SHTN1: variants seen among roughly 807,000 people sequenced by gnomAD.
SHTN1 encodes shootin-1.
A neutral mutation model predicts 83.1 loss-of-function variants in SHTN1; 42 were observed. The observed-to-expected ratio is 0.51, with a 90% CI of 0.39 to 0.65. The LOEUF (loss-of-function observed/expected upper bound fraction) is 0.65, where lower values mean the gene tolerates loss of function less well. Ranked by LOEUF, SHTN1 falls within the 30% of genes least tolerant of loss-of-function variation. SHTN1 has a pLI of 0.00. For missense variants in SHTN1, 622 were observed against 737.8 expected (o/e 0.84, Z 1.82); for synonymous variants, 224 against 247.7 (o/e 0.90, Z 0.90).
intron 1 of SHTN1, among the ~76,000 whole-genome samples, chr10:117,079,157 G>C (rs572471979): frequency 6.7e-6 from 1 of 150,008 alleles, no homozygotes; most frequent in African/African-American, 2.5e-5. Context: ...CTAGCATCAG[G>C]TATATCTCCC....
At chr10:116,909,339 C>A (rs1848099441) in intron 14 of SHTN1, among the ~76,000 whole-genome samples, 1 of 152,116 alleles carries the variant, frequency 6.6e-6, no homozygotes, top group African/African-American at 2.4e-5. Context: ...TCAAAAATTT[C>A]TGGGTATTTT....
chr10:116,977,380 G>A (rs1430713631), intron 2 of SHTN1, among the ~76,000 whole-genome samples: 2 of 151,998 alleles, frequency 1.3e-5, no homozygotes, highest in Non-Finnish European at 2.9e-5. Context: ...CTTCTCGTGG[G>A]TCAGGAGCAG....
At chr10:116,936,079 G>C (rs1849148422) in intron 9 of SHTN1, among the ~76,000 whole-genome samples, 1 of 152,032 alleles carries the variant, frequency 6.6e-6, no homozygotes. Context: ...AGTTGGGCTA[G>C]CAGTCTACCT....
intron 6 of SHTN1, among the ~76,000 whole-genome samples, chr10:116,950,983 T>TGGCA (rs995205647): frequency 6.6e-6 from 1 of 152,146 alleles, no homozygotes; most frequent in African/African-American, 2.4e-5. Flanking sequence ...AAGCTGCAGT[T>TGGCA]GGCACATCAG....
At chr10:116,947,817 C>T (rs1344889119) in intron 7 of SHTN1, among the ~76,000 whole-genome samples, 1 of 152,180 alleles carries the variant, frequency 6.6e-6, no homozygotes, top group Non-Finnish European at 1.5e-5. Flanking sequence ...CCTTGCAGAA[C>T]CCTTTTCCTA....
chr10:116,898,731 C>CT (rs1224155498), intron 16 of SHTN1, among the ~76,000 whole-genome samples: 1 of 151,912 alleles, frequency 6.6e-6, no homozygotes, highest in African/African-American at 2.4e-5. Context: ...TCTTTTTCTT[C>CT]TTTTTTCTTA....
At position 117,022,807 on chromosome 10, in the gene SHTN1, G is replaced by A. The variant is rs1034344331; in HGVS notation, c.-123+25638C>T. Reference sequence around the variant, plus strand: ...ATGGTGGCAGGTGCCTGTAATCCCCGCTACTTGGGAGGCTGAGGCAGGAGA... The same window carrying A: ...ATGGTGGCAGGTGCCTGTAATCCCCACTACTTGGGAGGCTGAGGCAGGAGA... On this transcript the variant is annotated intron_variant, in intron 2 of 17. Transcript: ENST00000392901. 6.6e-5 allele frequency among the ~76,000 whole-genome samples: 10 copies of A among 152,210 alleles called. No individual in the cohort carries two copies. The South Asian group carries it at 8.3e-4, about 13-fold the overall frequency.
intron 1 of SHTN1, among the ~76,000 whole-genome samples, chr10:117,092,823 G>A (rs908260031): frequency 6.6e-6 from 1 of 152,132 alleles, no homozygotes; most frequent in Admixed American, 6.6e-5. Context: ...TGAGGCTGAA[G>A]GGTTTAAAAA....
intron 2 of SHTN1, among the ~76,000 whole-genome samples, chr10:117,028,925 A>G (rs1898346): frequency 0.91 from 138,518 of 152,162 alleles, 64,431 homozygotes; most frequent in Non-Finnish European, 1. Context: ...CTGATGGAGC[A>G]GTGAGAAGAG....
chr10:116,981,300 G>C (rs969859306), intron 1 of SHTN1, among the ~76,000 whole-genome samples: 1 of 152,124 alleles, frequency 6.6e-6, no homozygotes, highest in Non-Finnish European at 1.5e-5. Context: ...CAACCTGGGC[G>C]ACAGAGCGAG....
chr10:117,004,857 G>A (rs1166402840), intron 1 of SHTN1, among the ~76,000 whole-genome samples, 165 bp downstream of exon 1: 1 of 152,190 alleles, frequency 6.6e-6, no homozygotes, highest in Admixed American at 6.5e-5. Flanking sequence ...TCCCAGGCGC[G>A]CCGGCCACGG....
chr10:117,108,024 A>G (rs1853697517), intron 1 of SHTN1, among the ~76,000 whole-genome samples: 1 of 152,134 alleles, frequency 6.6e-6, no homozygotes, highest in Non-Finnish European at 1.5e-5. Context: ...TTTTATCTTG[A>G]GCCGCCCAAT....
chr10:117,068,147 T>A (rs1853029620), intron 1 of SHTN1, among the ~76,000 whole-genome samples: 1 of 152,032 alleles, frequency 6.6e-6, no homozygotes, highest in Non-Finnish European at 1.5e-5. Flanking sequence ...ATCCCAGCAT[T>A]TTGGGAGGCC....
At chr10:117,023,279 G>A (rs748472985) in intron 2 of SHTN1, among the ~76,000 whole-genome samples, 36 of 152,158 alleles carry the variant, frequency 2.4e-4, no homozygotes, top group Non-Finnish European at 1.0e-4. Flanking sequence ...TCTGTCACGT[G>A]CAAATAGTTT....
intron 1 of SHTN1, among the ~76,000 whole-genome samples, chr10:116,981,030 A>G (rs1177822611): frequency 1.3e-5 from 2 of 152,186 alleles, no homozygotes; most frequent in African/African-American, 4.8e-5. Context: ...AAATAATTAC[A>G]TTTACAGGCT....
chr10:116,927,144 G>C (rs979731512), intron 11 of SHTN1, among the ~76,000 whole-genome samples: 5 of 152,106 alleles, frequency 3.3e-5, no homozygotes, highest in African/African-American at 9.7e-5. Context: ...TTTTCATTTA[G>C]TATTTTTATT....
Position 116,929,930 on chromosome 10 carries a change from C to G in SHTN1, c.931G>C (p.Glu311Gln), listed in dbSNP as rs981735575. ...TCCTTTTTATCTTCCTCTAGAAGCT[C>G]CAGTTGCTGTTTGAGGTTGTGTATT... Reference protein sequence around the residue: ...KEIHNLKQQLELLEEDKKELE... With the variant: ...KEIHNLKQQLQLLEEDKKELE... Residue 311 changes from glutamate to glutamine, a missense_variant, in exon 10 of 17, where the codon GAG becomes CAG. Glu to Gln is a conservative substitution (Grantham distance 29, BLOSUM62 2). Around this residue, in one of 3 missense-constraint regions of SHTN1, gnomAD observed 383 missense variants for 455.8 expected, o/e 0.84. Transcript: ENST00000355371. 5 of 1,608,844 alleles carry G rather than the reference C, an allele frequency of 3.1e-6. No individual in the cohort carries two copies. Among genetic ancestry groups the G allele is most frequent in the Non-Finnish European group, 4.2e-6 (5 of 1,176,496 alleles).
At chr10:117,095,037 G>C (rs542100458) in intron 1 of SHTN1, among the ~76,000 whole-genome samples, 3 of 152,284 alleles carry the variant, frequency 2.0e-5, no homozygotes, top group Non-Finnish European at 4.4e-5. Flanking sequence ...AAGCAAGAAG[G>C]CTCATTGTTT....
chr10:117,026,713 C>T (rs770681253), intron 2 of SHTN1, among the ~76,000 whole-genome samples: 2 of 152,194 alleles, frequency 1.3e-5, no homozygotes, highest in African/African-American at 2.4e-5. Flanking sequence ...TGAGCCACCA[C>T]GCCTGGTCAA....
Sources: allele counts gnomAD v4.1 joint callset (sites outside exome capture counted in the v4.1 genomes callset), GRCh38; gene constraint gnomAD v4.1.1; regional missense constraint gnomAD v4.1.1; transcripts MANE v1.5; gene names NCBI Gene and HGNC (gene_info 2026-07-23, HGNC 2026-07-21).